The following CADPS2 variants were observed in gnomAD, a reference collection of about 807,000 sequenced individuals.
CADPS2 encodes the protein calcium-dependent secretion activator 2.
Under a neutral mutation model 172.5 loss-of-function variants are expected in CADPS2, and 93 were observed. The observed-to-expected ratio is 0.54, with a 90% CI of 0.46 to 0.64. The LOEUF (loss-of-function observed/expected upper bound fraction) is 0.64, where lower values mean the gene tolerates loss of function less well. Among genes scored for constraint, CADPS2 ranks in the 30% least tolerant of loss-of-function variants. CADPS2 has a pLI of 0.00. For synonymous variants in CADPS2, 546 were observed against 555.2 expected (o/e 0.98, Z 0.23); for missense variants, 1,420 against 1,565.9 (o/e 0.91, Z 1.57).
At chr7:122,511,780 A>G (rs2130803243) in intron 9 of CADPS2, among the ~76,000 whole-genome samples, 2 of 152,298 alleles carry the variant, frequency 1.3e-5, no homozygotes, top group East Asian at 3.9e-4. Flanking sequence ...CACTAACACA[A>G]CTTTGTCAAA....
chr7:122,843,572 TCAAA>T (rs1811169039), intron 1 of CADPS2, among the ~76,000 whole-genome samples: 3 of 152,216 alleles, frequency 2.0e-5, no homozygotes. Context: ...GTGTGAGTTC[TCAAA>T]CAATGAGTCC....
At chr7:122,381,601 A>G (rs2043007252) in intron 24 of CADPS2, among the ~76,000 whole-genome samples, 1 of 152,130 alleles carries the variant, frequency 6.6e-6, no homozygotes, top group African/African-American at 2.4e-5. Context: ...GACGAGCCAC[A>G]AAAGAGGTCA....
At chr7:122,471,277 T>A in intron 14 of CADPS2, 98 bp downstream of exon 14, 1 of 929,684 alleles carries the variant, frequency 1.1e-6, no homozygotes, top group Non-Finnish European at 1.5e-6. Context: ...TGTTTGCTAT[T>A]TACAATCTGT....
intron 7 of CADPS2, among the ~76,000 whole-genome samples, chr7:122,559,058 C>A (rs2065384521): frequency 6.6e-6 from 1 of 152,072 alleles, no homozygotes; most frequent in Non-Finnish European, 1.5e-5. Flanking sequence ...TATCTTATGG[C>A]AAAACAGCAG....
chr7:122,603,544 TG>T (rs1380231014), intron 6 of CADPS2, among the ~76,000 whole-genome samples: 1 of 151,830 alleles, frequency 6.6e-6, no homozygotes, highest in Non-Finnish European at 1.5e-5. Flanking sequence ...AACGATTGGG[TG>T]TTCCTACCTA....
intron 2 of CADPS2, among the ~76,000 whole-genome samples, chr7:122,674,008 C>T (rs561722203): frequency 1.3e-5 from 2 of 152,254 alleles, no homozygotes; most frequent in Non-Finnish European, 2.9e-5. Context: ...AGAACTCCAG[C>T]GCGGCTCGGG....
chr7:122,516,382 A>G (rs2060377001), intron 8 of CADPS2, among the ~76,000 whole-genome samples: 2 of 152,090 alleles, frequency 1.3e-5, no homozygotes, highest in South Asian at 4.1e-4. Context: ...AAAAATAAAA[A>G]TAAAAATTAG....
intron 2 of CADPS2, among the ~76,000 whole-genome samples, chr7:122,688,499 G>T (rs1282943882): frequency 6.6e-6 from 1 of 152,186 alleles, no homozygotes; most frequent in African/African-American, 2.4e-5. Flanking sequence ...GGGAGACATA[G>T]GTAGATGAAA....
chr7:122,547,114 T>G (rs1253191615), intron 8 of CADPS2, among the ~76,000 whole-genome samples: 1 of 151,804 alleles, frequency 6.6e-6, no homozygotes, highest in Non-Finnish European at 1.5e-5. Context: ...ATTGGTTACA[T>G]AATACATCAT....
chr7:122,816,867 C>T (rs932700545), intron 1 of CADPS2, among the ~76,000 whole-genome samples: 5 of 151,788 alleles, frequency 3.3e-5, no homozygotes, highest in East Asian at 3.9e-4. Context: ...CATTCCACCA[C>T]AAAAGAAGTG....
intron 1 of CADPS2, among the ~76,000 whole-genome samples, chr7:122,814,513 G>T (rs1258380484): frequency 6.6e-6 from 1 of 151,982 alleles, no homozygotes; most frequent in Admixed American, 6.6e-5. Flanking sequence ...AAAGAAAAAA[G>T]ATAATTATTC....
rs73717642 is a variant in CADPS2, at chr7:122,380,005, G to T, written c.3313-563C>A. Among the ~76,000 whole-genome samples, 1,036 of 152,044 alleles carry T rather than the reference G, an allele frequency of 6.8e-3. 8 individuals are homozygous for T. The highest frequency in any genetic ancestry group is 0.024 in the African/African-American group (991 of 41,492). ...AAATTAGAATTTCATCAACAAAGGT[G>T]AATAGATGGTAACAAATTAATAGGC... is the stretch of plus-strand genomic sequence containing the variant. On this transcript the variant is annotated intron_variant, in intron 24 of 29. Transcript: ENST00000449022.
intron 20 of CADPS2, among the ~76,000 whole-genome samples, chr7:122,400,198 G>A (rs2045766176): frequency 6.6e-6 from 1 of 151,972 alleles, no homozygotes; most frequent in Non-Finnish European, 1.5e-5. Context: ...CACTTTGGGA[G>A]GCCGAGGCGG....
intron 4 of CADPS2, 44 bp downstream of exon 4, chr7:122,629,204 T>C: frequency 6.9e-7 from 1 of 1,446,322 alleles, no homozygotes; most frequent in Non-Finnish European, 9.5e-7. Context: ...GAAATCTAGG[T>C]AAAGAAAGGA....
At chr7:122,719,854 C>G (rs2090153911) in intron 2 of CADPS2, among the ~76,000 whole-genome samples, 1 of 152,016 alleles carries the variant, frequency 6.6e-6, no homozygotes, top group East Asian at 1.9e-4. Context: ...TTATCAAAAT[C>G]TTGCATAGAT....
intron 9 of CADPS2, among the ~76,000 whole-genome samples, chr7:122,500,407 C>T (rs2059099623): frequency 6.6e-6 from 1 of 151,944 alleles, no homozygotes; most frequent in Non-Finnish European, 1.5e-5. Context: ...ACATATTTAT[C>T]GTCTTAAAAA....
chr7:122,523,756 T>C (rs2060993729), intron 8 of CADPS2, among the ~76,000 whole-genome samples: 1 of 152,168 alleles, frequency 6.6e-6, no homozygotes, highest in Admixed American at 6.6e-5. Flanking sequence ...AAAATTTTTG[T>C]CTACACATGC....
At chr7:122,842,852 C>T (rs1326040086) in intron 1 of CADPS2, among the ~76,000 whole-genome samples, 1 of 152,068 alleles carries the variant, frequency 6.6e-6, no homozygotes, top group African/African-American at 2.4e-5. Context: ...CCACTAAGGG[C>T]CCAAGCAATG....
chr7:122,754,402 T>C (rs1403889030), intron 1 of CADPS2, among the ~76,000 whole-genome samples: 1 of 152,222 alleles, frequency 6.6e-6, no homozygotes, highest in Admixed American at 6.5e-5. Flanking sequence ...TGAAATTTAA[T>C]TAAAATGACT....
Sources: allele counts gnomAD v4.1 joint callset (sites outside exome capture counted in the v4.1 genomes callset), GRCh38; gene constraint gnomAD v4.1.1; transcripts MANE v1.5; gene names NCBI Gene and HGNC (gene_info 2026-07-23, HGNC 2026-07-21).